The following IPO8 variants were observed in gnomAD, a reference collection of about 807,000 sequenced individuals.
IPO8 encodes importin-8.
Under a neutral mutation model 141.2 loss-of-function variants are expected in IPO8, and 65 were observed. The ratio of observed to expected loss-of-function variants is 0.46; its 90% CI spans 0.38 to 0.57. The LOEUF (loss-of-function observed/expected upper bound fraction) is 0.57, where lower values mean the gene tolerates loss of function less well. Ranked by LOEUF, IPO8 falls within the 20% of genes least tolerant of loss-of-function variation. The probability of loss-of-function intolerance (pLI) is 0.00; values close to 1 mark genes in which losing one functional copy is unlikely to be tolerated. For missense variants in IPO8, 980 were observed against 1,246.8 expected (o/e 0.79, Z 3.22); for synonymous variants, 411 against 420.3 (o/e 0.98, Z 0.27).
intron 11 of IPO8, 83 bp downstream of exon 11, chr12:30,666,092 T>C: frequency 7.7e-6 from 7 of 914,168 alleles, no homozygotes; most frequent in Non-Finnish European, 1.2e-5. Flanking sequence ...CAACATAATT[T>C]CTCAAATACT....
Position 30,629,667 on chromosome 12 carries a change from G to A in IPO8, c.*1193C>T, listed in dbSNP as rs140698323. On this transcript the variant is annotated 3_prime_UTR_variant, in exon 25 of 25. Transcript: ENST00000256079. ...GACCCATGTTCTGGTCTTGAACTAG[G>A]TCAGAAAAACACTGTAATCTCCATA... The A allele has an allele frequency of 6.6e-6, 1 of 152,184 alleles. No homozygotes were observed. Among genetic ancestry groups the A allele is most frequent in the Non-Finnish European group, 1.5e-5 (1 of 68,018 alleles). 9.4% of individuals were successfully genotyped at this position (152,184 alleles called of 1,614,324 possible). A position where few individuals can be genotyped will look rare whatever the true frequency, so the allele number is the denominator to read the frequency against.
chr12:30,652,783 A>G (rs2052746074), intron 18 of IPO8, among the ~76,000 whole-genome samples, 184 bp downstream of exon 18: 1 of 152,010 alleles, frequency 6.6e-6, no homozygotes, highest in African/African-American at 2.4e-5. Flanking sequence ...AATACAGCCT[A>G]CCTCCTCTGC....
At position 30,665,775 on chromosome 12, in the gene IPO8, T is replaced by A; in HGVS notation, c.1292A>T (p.Asp431Val). ...TDPNFDPRKK[D>V]GALHVIGSLA... ...GGAACCAATCACATGCAGGGCTCCA[T>A]CTTTCTTCCTAGGGTCAAAGTTCGG... is the stretch of plus-strand genomic sequence containing the variant. The change falls in exon 12 of 25, where the codon GAT becomes GTT. Residue 431 changes from aspartate to valine, a missense_variant. By Grantham distance (152) the Asp-to-Val change is radical (BLOSUM62 -3). Coordinates refer to ENST00000256079, the MANE Select transcript of IPO8 (RefSeq NM_006390.4). The A allele has an allele frequency of 6.2e-7, 1 of 1,613,744 alleles. No individual in the cohort carries two copies. The highest frequency in any genetic ancestry group is 8.5e-7 in the Non-Finnish European group (1 of 1,179,748).
intron 20 of IPO8, among the ~76,000 whole-genome samples, chr12:30,646,529 C>G (rs1158685249): frequency 6.6e-6 from 1 of 152,104 alleles, no homozygotes; most frequent in East Asian, 1.9e-4. Flanking sequence ...AAGAGGCACC[C>G]AAACTGGAAA....
Position 30,671,044 on chromosome 12 carries a change from C to G in IPO8, c.962G>C (p.Arg321Pro). The G allele has an allele frequency of 6.2e-7, 1 of 1,609,256 alleles. No homozygotes were observed. Among genetic ancestry groups the G allele is most frequent in the Non-Finnish European group, 8.5e-7 (1 of 1,175,706 alleles). The stretch of plus-strand genomic sequence containing the variant: ...ATAGTTGAATGCTTGCTGAAGAACA[C>G]GGGGAGCTACATATTCTTTCTGTCT... ...QYRQKEYVAP[R>P]VLQQAFNYLN... Residue 321 changes from arginine to proline, a missense_variant, in exon 9 of 25, where the codon CGT (arginine) becomes CCT (proline). Coordinates refer to ENST00000256079, the MANE Select transcript of IPO8 (RefSeq NM_006390.4).
Position 30,662,382 on chromosome 12 carries a change from A to G in IPO8, c.1700T>C (p.Ile567Thr), listed in dbSNP as rs1221993827. 1.9e-6 allele frequency: 3 copies of G among 1,613,620 alleles called. No homozygotes were observed. Among genetic ancestry groups the G allele is most frequent in the Non-Finnish European group, 2.5e-6 (3 of 1,179,636 alleles). The change falls in exon 15 of 25, where the codon ATA (isoleucine) becomes ACA (threonine). Residue 567 changes from isoleucine (I) to threonine (T), a missense_variant. Physicochemically the swap from Ile to Thr is moderately conservative, Grantham distance 89. Transcript: ENST00000256079. The part of the protein sequence containing the change: ...DDVTNVIQKM[I>T]CEYSQEVASI... Reference sequence around the variant, plus strand: ...GGCTACCTCTTGACTGTATTCACATATCATCTTCTGGATGACATTAGTAAC... The same window carrying G: ...GGCTACCTCTTGACTGTATTCACATGTCATCTTCTGGATGACATTAGTAAC...
chr12:30,681,639 G>GCCAATGGAAA lies in IPO8; in HGVS notation c.482+10_482+19dup, dbSNP rs1162494601. ...AAGTTACACAAGGCTGCTTTCTTCA[G>GCCAATGGAAA]CCAATGGAAACCAACTTACTCATAT... is the stretch of plus-strand genomic sequence containing the variant. On this transcript the variant is annotated intron_variant, in intron 4 of 24. Coordinates refer to ENST00000256079, the MANE Select transcript of IPO8 (RefSeq NM_006390.4). 3.7e-6 allele frequency: 6 copies of GCCAATGGAAA among 1,602,906 alleles called. No individual in the cohort carries two copies. The highest frequency in any genetic ancestry group is 5.1e-6 in the Non-Finnish European group (6 of 1,173,498).
rs77388133 is a variant in IPO8, at chr12:30,629,385, G to A, written c.*1475C>T. 1 of 152,136 alleles carries A rather than the reference G, an allele frequency of 6.6e-6. No individual in the cohort carries two copies. Among genetic ancestry groups the A allele is most frequent in the Non-Finnish European group, 1.5e-5 (1 of 68,034 alleles). 9.4% of individuals were successfully genotyped at this position (152,136 alleles called of 1,614,324 possible). On this transcript the variant is annotated 3_prime_UTR_variant, in exon 25 of 25. Transcript: ENST00000256079. ...AGGGAGGAGCAGAGGAAAGCAGGGG[G>A]TCACTGAACTCCAAAACTCATGGTT...
chr12:30,674,747 G>A lies in IPO8; in HGVS notation c.736C>T (p.Leu246=). The A allele has an allele frequency of 6.2e-7, 1 of 1,610,580 alleles. No homozygotes were observed. Among genetic ancestry groups the A allele is most frequent in the Non-Finnish European group, 8.5e-7 (1 of 1,176,958 alleles). The change falls in exon 7 of 25, where the codon CTG becomes TTG. Residue 246 remains leucine (L), a synonymous_variant. Coordinates refer to ENST00000256079, the MANE Select transcript of IPO8 (RefSeq NM_006390.4). ...GGTCTATCATCCTCATCAATGTGCA[G>A]AGTCTCCTAACAGGACAAAATTACC... ...IIDRTVPPET[L]HIDEDDRPEL...
chr12:30,654,023 G>T (rs1460109831), intron 17 of IPO8, among the ~76,000 whole-genome samples: 1 of 151,950 alleles, frequency 6.6e-6, no homozygotes, highest in Admixed American at 6.6e-5. Flanking sequence ...CAATGGAACC[G>T]ATTACAAAGC....
At chr12:30,669,475 T>A (rs1045287694) in intron 9 of IPO8, among the ~76,000 whole-genome samples, 193 bp from the exon 10 acceptor site, 2 of 152,166 alleles carry the variant, frequency 1.3e-5, no homozygotes, top group African/African-American at 4.8e-5. Flanking sequence ...ATTTCCATTT[T>A]AGTCCTAAAT....
chr12:30,650,504 C>T (rs112844623), intron 19 of IPO8, among the ~76,000 whole-genome samples: 13 of 152,166 alleles, frequency 8.5e-5, no homozygotes, highest in East Asian at 3.9e-4. Flanking sequence ...CACAGTCTAG[C>T]TTCTAAATGT....
intron 2 of IPO8, among the ~76,000 whole-genome samples, chr12:30,687,085 C>T (rs1056610539): frequency 6.6e-6 from 1 of 151,964 alleles, no homozygotes; most frequent in Non-Finnish European, 1.5e-5. Context: ...AATTCAAGTG[C>T]CTAAATACAA....
At chr12:30,660,248 G>T (rs923838896) in intron 16 of IPO8, among the ~76,000 whole-genome samples, 8 of 152,072 alleles carry the variant, frequency 5.3e-5, no homozygotes, top group Non-Finnish European at 1.2e-4. Flanking sequence ...AATAAAAGTA[G>T]TACTAGCACC....
At chr12:30,657,642 A>G (rs1437696159) in intron 16 of IPO8, among the ~76,000 whole-genome samples, 1 of 152,216 alleles carries the variant, frequency 6.6e-6, no homozygotes, top group East Asian at 1.9e-4. Flanking sequence ...GCCCATTTAA[A>G]CAAGAGACAG....
intron 8 of IPO8, 119 bp from the exon 9 acceptor site, chr12:30,671,215 A>G (rs2053043865): frequency 1.6e-6 from 1 of 632,708 alleles, no homozygotes; most frequent in Admixed American, 2.8e-5. Context: ...GATTTGGGAG[A>G]AAAATCAATG....
intron 5 of IPO8, among the ~76,000 whole-genome samples, chr12:30,679,013 T>G (rs779848706): frequency 6.6e-6 from 1 of 152,144 alleles, no homozygotes; most frequent in Non-Finnish European, 1.5e-5. Flanking sequence ...CTAATTTTTG[T>G]ATTTTTCTAG....
At chr12:30,689,823 T>A (rs183232634) in intron 2 of IPO8, among the ~76,000 whole-genome samples, 260 of 152,350 alleles carry the variant, frequency 1.7e-3, no homozygotes, top group Non-Finnish European at 2.7e-3. Flanking sequence ...ATATGTCACT[T>A]ACATAACAAG....
At chr12:30,638,037 G>C (rs1285230497) in intron 21 of IPO8, among the ~76,000 whole-genome samples, 1 of 152,072 alleles carries the variant, frequency 6.6e-6, no homozygotes, top group Admixed American at 6.6e-5. Flanking sequence ...AACTGTACTT[G>C]ACCTGAGGAC....
Sources: allele counts gnomAD v4.1 joint callset (sites outside exome capture counted in the v4.1 genomes callset), GRCh38; gene constraint gnomAD v4.1.1; transcripts MANE v1.5; gene names NCBI Gene and HGNC (gene_info 2026-07-23, HGNC 2026-07-21).